AK7: variants seen among roughly 807,000 people sequenced by gnomAD.
AK7 encodes the protein adenylate kinase 7.
A neutral mutation model predicts 96.6 loss-of-function variants in AK7; 78 were observed. The ratio of observed to expected loss-of-function variants is 0.81; its 90% CI spans 0.67 to 0.97. The LOEUF (loss-of-function observed/expected upper bound fraction) is 0.97. Ranked by LOEUF, AK7 falls within the 50% of genes least tolerant of loss-of-function variation. AK7 has a pLI of 0.00. For synonymous variants in AK7, 302 were observed against 317.2 expected, an observed-to-expected ratio of 0.95 and a Z score of 0.51; for missense variants, 855 against 887.9, an observed-to-expected ratio of 0.96 and a Z score of 0.47.
chr14:96,446,458 G>A, intron 7 of AK7, 59 bp from the exon 8 acceptor site: 1 of 1,470,654 alleles, frequency 6.8e-7, no homozygotes, highest in Non-Finnish European at 9.5e-7. Flanking sequence ...GTGAATTCTA[G>A]TTTACTGCAT....
intron 3 of AK7, among the ~76,000 whole-genome samples, chr14:96,408,376 C>T (rs1268194322): frequency 6.6e-6 from 1 of 152,210 alleles, no homozygotes; most frequent in Non-Finnish European, 1.5e-5. Context: ...GCAAACTGTG[C>T]CTCGGTTTCT....
chr14:96,401,634 G>A (rs905117136), intron 2 of AK7, among the ~76,000 whole-genome samples: 13 of 152,260 alleles, frequency 8.5e-5, no homozygotes, highest in Middle Eastern at 3.4e-3. Flanking sequence ...TCGCTTCAGC[G>A]GCACATATGC....
At chr14:96,429,477 A>T (rs1892219370) in intron 5 of AK7, among the ~76,000 whole-genome samples, 3 of 151,976 alleles carry the variant, frequency 2.0e-5, no homozygotes, top group Admixed American at 2.0e-4. Context: ...ACTTTAAAGT[A>T]TTTTTTTCCA....
chr14:96,426,247 C>T (rs573839693), intron 5 of AK7, among the ~76,000 whole-genome samples: 54 of 152,076 alleles, frequency 3.6e-4, no homozygotes, highest in African/African-American at 1.0e-3. Flanking sequence ...TTATTTTAGT[C>T]GGATAACAAT....
At chr14:96,406,301 G>A (rs1595374502) in intron 3 of AK7, among the ~76,000 whole-genome samples, 1 of 152,176 alleles carries the variant, frequency 6.6e-6, no homozygotes, top group East Asian at 1.9e-4. Context: ...ACTTCCTGCT[G>A]TCACAGATGG....
chr14:96,404,909 T>C, intron 3 of AK7, 44 bp downstream of exon 3: 1 of 1,400,162 alleles, frequency 7.1e-7, no homozygotes, highest in Admixed American at 1.7e-5. Context: ...GCTATTGTAG[T>C]GCTGCCTACT....
At chr14:96,419,945 C>G (rs913116625) in intron 4 of AK7, among the ~76,000 whole-genome samples, 6 of 151,618 alleles carry the variant, frequency 4.0e-5, no homozygotes, top group Non-Finnish European at 8.8e-5. Flanking sequence ...CCTGCCACCA[C>G]ACCTGGCTAA....
chr14:96,421,318 C>T (rs977408535), intron 5 of AK7: 2 of 158,476 alleles, frequency 1.3e-5, no homozygotes, highest in African/African-American at 4.8e-5. Context: ...ATGGGAGCTT[C>T]CAGAGGTTAA....
chr14:96,425,165 C>A (rs1031147711), intron 5 of AK7, among the ~76,000 whole-genome samples: 1 of 152,096 alleles, frequency 6.6e-6, no homozygotes, highest in Non-Finnish European at 1.5e-5. Context: ...TGAAAATAAT[C>A]ATTTAACACA....
chr14:96,455,674 A>C (rs530543679), intron 10 of AK7, among the ~76,000 whole-genome samples: 78 of 152,272 alleles, frequency 5.1e-4, no homozygotes, highest in African/African-American at 1.8e-3. Flanking sequence ...ATTCCTGAGC[A>C]CTTACTCTTT....
intron 6 of AK7, among the ~76,000 whole-genome samples, chr14:96,441,371 GT>G (rs1390837324): frequency 6.6e-6 from 1 of 152,094 alleles, no homozygotes; most frequent in Non-Finnish European, 1.5e-5. Flanking sequence ...AGGCATGGTG[GT>G]TCACGCCAGT....
chr14:96,436,249 A>G (rs1235233166), intron 5 of AK7, among the ~76,000 whole-genome samples: 1 of 152,162 alleles, frequency 6.6e-6, no homozygotes, highest in Non-Finnish European at 1.5e-5. Context: ...TACAATTTTT[A>G]AAATCTCTAT....
intron 15 of AK7, 43 bp downstream of exon 15, chr14:96,478,705 C>G (rs779549982): frequency 1.3e-6 from 2 of 1,593,660 alleles, no homozygotes; most frequent in Non-Finnish European, 1.7e-6. Flanking sequence ...CCAGGACCCC[C>G]AGCAAAGCTT....
chr14:96,398,746 A>G (rs184787878), intron 2 of AK7: 73 of 171,884 alleles, frequency 4.2e-4, no homozygotes, highest in African/African-American at 1.6e-3. Context: ...TTTTAAGAGA[A>G]ACATCCTTTG....
At chr14:96,444,853 G>T (rs1053579940) in intron 7 of AK7, among the ~76,000 whole-genome samples, 6 of 152,116 alleles carry the variant, frequency 3.9e-5, no homozygotes, top group African/African-American at 1.4e-4. Flanking sequence ...AAGTAGCTGG[G>T]ACTACAGGCG....
chr14:96,402,900 G>A (rs1281589090), intron 2 of AK7, among the ~76,000 whole-genome samples: 4 of 151,592 alleles, frequency 2.6e-5, no homozygotes, highest in East Asian at 1.9e-4. Flanking sequence ...GAGGCCAAGC[G>A]GGCGGATCAC....
At chr14:96,476,666 G>A (rs369610574) in intron 14 of AK7, among the ~76,000 whole-genome samples, 11 of 152,132 alleles carry the variant, frequency 7.2e-5, no homozygotes, top group East Asian at 3.9e-4. Context: ...ACTGTCTTGA[G>A]ATACTGCAGA....
At chr14:96,437,056 T>C (rs1308724837) in intron 5 of AK7, among the ~76,000 whole-genome samples, 1 of 106,130 alleles carries the variant, frequency 9.4e-6, no homozygotes, top group Non-Finnish European at 1.7e-5. Context: ...GAGTAGAGGC[T>C]GAGAAGGGTA....
intron 4 of AK7, among the ~76,000 whole-genome samples, chr14:96,415,783 T>A (rs1272949578): frequency 6.7e-6 from 1 of 149,464 alleles, no homozygotes. Context: ...TAAATTAATT[T>A]AATACATTAA....
Sources: allele counts gnomAD v4.1 joint callset (sites outside exome capture counted in the v4.1 genomes callset), GRCh38; gene constraint gnomAD v4.1.1; transcripts MANE v1.5; gene names NCBI Gene and HGNC (gene_info 2026-07-23, HGNC 2026-07-21).